The following AFTPH variants were observed in gnomAD, a reference collection of about 807,000 sequenced individuals.
AFTPH encodes aftiphilin.
Under a neutral mutation model 72.5 loss-of-function variants are expected in AFTPH, and 7 were observed. The ratio of observed to expected loss-of-function variants is 0.10; its 90% CI spans 0.05 to 0.18. The LOEUF (loss-of-function observed/expected upper bound fraction) is 0.18, where lower values mean the gene tolerates loss of function less well. AFTPH is among the 10% of genes least tolerant of loss of function. The pLI is 1.00. For missense variants in AFTPH, 979 were observed against 1,060.5 expected (o/e 0.92, Z 1.07); for synonymous variants, 337 against 370.1 (o/e 0.91, Z 1.03).
chr2:64,591,183 G>T lies in AFTPH; in HGVS notation c.2580-702G>T, dbSNP rs115432545. On this transcript the variant is annotated intron_variant, in intron 8 of 8. Coordinates refer to ENST00000238856, the Ensembl canonical transcript of AFTPH. Reference sequence around the variant, plus strand: ...TCTTGTCTGTGTTAGGCACCAAACTGCTAATTTCCCATATCGGGGGCCAGT... The same window carrying T: ...TCTTGTCTGTGTTAGGCACCAAACTTCTAATTTCCCATATCGGGGGCCAGT... Among the ~76,000 whole-genome samples, 1,389 of 152,314 alleles carry T rather than the reference G, an allele frequency of 9.1e-3. 8 individuals are homozygous for T. Among genetic ancestry groups the T allele is most frequent in the Non-Finnish European group, 0.013 (900 of 68,016 alleles).
intron 2 of AFTPH, among the ~76,000 whole-genome samples, chr2:64,561,775 CATTT>C (rs1303952917): frequency 3.3e-5 from 5 of 152,152 alleles, no homozygotes; most frequent in African/African-American, 1.2e-4. Flanking sequence ...GCTAAGTGTG[CATTT>C]ATTTGTTACC....
At chr2:64,540,776 T>G (rs894282613) in intron 1 of AFTPH, among the ~76,000 whole-genome samples, 1 of 152,156 alleles carries the variant, frequency 6.6e-6, no homozygotes, top group Middle Eastern at 3.2e-3. Context: ...GGTATTTTGC[T>G]GCTCATTTTC....
chr2:64,584,593 ATTT>A (rs5831705), intron 7 of AFTPH, among the ~76,000 whole-genome samples: 10 of 117,002 alleles, frequency 8.5e-5, no homozygotes, highest in Admixed American at 1.9e-4. Flanking sequence ...CTTAGTCATG[ATTT>A]TTTTTTTTTT....
At chr2:64,564,569 G>A (rs945192084) in intron 2 of AFTPH, among the ~76,000 whole-genome samples, 2 of 151,688 alleles carry the variant, frequency 1.3e-5, no homozygotes, top group South Asian at 4.2e-4. Context: ...AGCCGAGATC[G>A]CACCACTGCA....
chr2:64,528,818 A>G (rs941483230), intron 1 of AFTPH, among the ~76,000 whole-genome samples: 6 of 152,186 alleles, frequency 3.9e-5, no homozygotes, highest in African/African-American at 1.2e-4. Context: ...CAGAAATTCT[A>G]ATGACTTAGG....
chr2:64,564,635 T>TAAAA (rs1558618066), intron 2 of AFTPH, among the ~76,000 whole-genome samples: 1 of 56,816 alleles, frequency 1.8e-5, no homozygotes, highest in East Asian at 5.4e-4. Context: ...AAATAAAAAA[T>TAAAA]AAAATAAATA....
At chr2:64,539,365 A>G (rs72812101) in intron 1 of AFTPH, among the ~76,000 whole-genome samples, 12,003 of 151,930 alleles carry the variant, frequency 0.079, 582 homozygotes, top group South Asian at 0.11. Flanking sequence ...AATTTTTGTC[A>G]TTTAGCTAGG....
At chr2:64,557,380 G>T (rs1490657989) in intron 2 of AFTPH, among the ~76,000 whole-genome samples, 1 of 152,214 alleles carries the variant, frequency 6.6e-6, no homozygotes, top group African/African-American at 2.4e-5. Flanking sequence ...CAGGGAAAAT[G>T]CTGTTAGCTG....
At chr2:64,570,684 C>T (rs1672358484) in intron 5 of AFTPH, among the ~76,000 whole-genome samples, 1 of 152,094 alleles carries the variant, frequency 6.6e-6, no homozygotes, top group African/African-American at 2.4e-5. Context: ...CAAGGAGTAG[C>T]AATCCAGAGG....
intron 1 of AFTPH, among the ~76,000 whole-genome samples, chr2:64,524,940 G>T (rs1669159896): frequency 6.6e-6 from 1 of 152,168 alleles, no homozygotes. Context: ...AAAGCTCCGC[G>T]CTGGCTGCGT....
exon 2 of AFTPH, chr2:64,552,401 T>C (rs375002466): frequency 1.8e-4 from 292 of 1,612,104 alleles, no homozygotes; most frequent in Non-Finnish European, 2.4e-4. Flanking sequence ...CTAACAGAGG[T>C]TTCAGTGTTG....
In AFTPH at chr2:64,569,685, T is replaced by C. The variant is rs1672303447; in HGVS notation, c.2271+6T>C. 6.2e-7 allele frequency: 1 copy of C among 1,613,012 alleles called. No homozygotes were observed. Among genetic ancestry groups the C allele is most frequent in the Non-Finnish European group, 8.5e-7 (1 of 1,179,168 alleles). On this transcript the variant is annotated splice_donor_region_variant and intron_variant, in intron 5 of 8. Coordinates refer to ENST00000238856, the Ensembl canonical transcript of AFTPH. ...CCATGTATGCAGCAGGATTGGTAAG[T>C]ACAAAAATCTCTCTGCATGTATTTA...
chr2:64,559,468 G>A (rs10202689), intron 2 of AFTPH, among the ~76,000 whole-genome samples: 79,594 of 151,998 alleles, frequency 0.52, 23,725 homozygotes, highest in African/African-American at 0.84. Flanking sequence ...TCCAGCCCAG[G>A]AGCCAGCAGG....
chr2:64,525,783 C>T (rs1254349341), intron 1 of AFTPH, among the ~76,000 whole-genome samples: 1 of 152,112 alleles, frequency 6.6e-6, no homozygotes, highest in Non-Finnish European at 1.5e-5. Flanking sequence ...TAAATGTTGG[C>T]TTTTTTAGTA....
intron 5 of AFTPH, 77 bp downstream of exon 5, chr2:64,569,756 A>G (rs972853877): frequency 1.2e-4 from 155 of 1,318,858 alleles, no homozygotes; most frequent in Admixed American, 2.4e-4. Flanking sequence ...ATACACTTCT[A>G]TGTCATGCTA....
chr2:64,569,510 A>G (rs560724032), intron 4 of AFTPH, 113 bp from the exon 5 acceptor site: 4 of 1,242,584 alleles, frequency 3.2e-6, no homozygotes, highest in East Asian at 2.4e-5. Context: ...AGTTTCATCA[A>G]TTTATCATTC....
At chr2:64,548,136 G>A (rs1411525178) in intron 1 of AFTPH, among the ~76,000 whole-genome samples, 4 of 144,796 alleles carry the variant, frequency 2.8e-5, no homozygotes, top group African/African-American at 7.4e-5. Context: ...GCTCACGCCT[G>A]TAATCCCAGC....
intron 7 of AFTPH, among the ~76,000 whole-genome samples, chr2:64,584,123 G>A (rs1352137231): frequency 6.6e-6 from 1 of 151,904 alleles, no homozygotes; most frequent in Admixed American, 6.6e-5. Flanking sequence ...TTAACGCCCG[G>A]CAACTCATGA....
At chr2:64,553,608 G>T (rs1408984328) in intron 2 of AFTPH, among the ~76,000 whole-genome samples, 199 bp downstream of exon 2, 1 of 150,962 alleles carries the variant, frequency 6.6e-6, no homozygotes, top group African/African-American at 2.4e-5. Context: ...ATAGTAAAGC[G>T]CAGTAAGATT....
Sources: gnomAD v4.1 joint callset for allele counts (sites outside exome capture counted in the v4.1 genomes callset) on GRCh38, gnomAD v4.1.1 for gene constraint, MANE v1.5 for transcripts, NCBI Gene and HGNC (gene_info 2026-07-23, HGNC 2026-07-21) for gene names.